CYFIP2: variants seen among roughly 807,000 people sequenced by gnomAD.
CYFIP2 encodes cytoplasmic FMR1-interacting protein 2.
In CYFIP2, 29 loss-of-function variants were observed where a neutral mutation model predicts 158.7. The observed-to-expected ratio is 0.18, with a 90% CI of 0.14 to 0.25. The LOEUF (loss-of-function observed/expected upper bound fraction) is 0.25, where lower values mean the gene tolerates loss of function less well. CYFIP2 is among the 10% of genes least tolerant of loss of function. CYFIP2 has a pLI of 1.00. For missense variants in CYFIP2, 852 were observed against 1,639.5 expected, an observed-to-expected ratio of 0.52 and a Z score of 8.29; for synonymous variants, 585 against 617.6, an observed-to-expected ratio of 0.95 and a Z score of 0.78.
chr5:157,270,441 C>T (rs551486829), intron 1 of CYFIP2, among the ~76,000 whole-genome samples: 1 of 152,218 alleles, frequency 6.6e-6, no homozygotes, highest in African/African-American at 2.4e-5. Flanking sequence ...TGTCTAACTT[C>T]ACTGAAGGCC....
At chr5:157,283,232 GGT>G in intron 1 of CYFIP2, among the ~76,000 whole-genome samples, 1 of 152,098 alleles carries the variant, frequency 6.6e-6, no homozygotes. Context: ...ACCTTTATAG[GGT>G]GGATGCAAGA....
At chr5:157,377,420 A>G (rs1385569650) in intron 26 of CYFIP2, among the ~76,000 whole-genome samples, 1 of 151,978 alleles carries the variant, frequency 6.6e-6, no homozygotes, top group Non-Finnish European at 1.5e-5. Flanking sequence ...CCCTGGTTCA[A>G]CTTAGCGTCC....
chr5:157,361,015 G>A lies in CYFIP2; in HGVS notation c.2909-453G>A, dbSNP rs1357855798. ...CTACTTACTACCTGTGTGACTATGG[G>A]CATGCCCCTTACCCTCTCTGAGCCT... is the stretch of plus-strand genomic sequence containing the variant. On this transcript the variant is annotated intron_variant, in intron 25 of 30. Coordinates refer to ENST00000620254, the MANE Select transcript of CYFIP2 (RefSeq NM_001037333.3). The surrounding 1 kb of genome is among the most constrained non-coding windows in gnomAD (Gnocchi z 4.4). Among the ~76,000 whole-genome samples the A allele has an allele frequency of 6.6e-6, 1 of 152,174 alleles. No homozygotes were observed. Among genetic ancestry groups the A allele is most frequent in the Non-Finnish European group, 1.5e-5 (1 of 68,024 alleles).
chr5:157,383,292 A>T lies in CYFIP2; in HGVS notation c.3140A>T (p.Lys1047Ile). ...KEGERLEVRM[K>I]RLEAKYAPLH... Reference sequence around the variant, plus strand: ...GGGGAGCGCCTGGAGGTCCGGATGAAACGTCTGGAAGCCAAGTATGCCCCG... The same window carrying T: ...GGGGAGCGCCTGGAGGTCCGGATGATACGTCTGGAAGCCAAGTATGCCCCG... The change falls in exon 28 of 31, where the codon AAA (lysine) becomes ATA (isoleucine). Residue 1047 changes from lysine (K) to isoleucine (I), a missense_variant. Around this residue, in one of 8 missense-constraint regions of CYFIP2, gnomAD observed 223 missense variants for 381.6 expected, o/e 0.58. Transcript: ENST00000620254. 1 of 1,613,850 alleles carries T rather than the reference A, an allele frequency of 6.2e-7. No individual in the cohort carries two copies.
In CYFIP2 at chr5:157,319,845, C is replaced by T. The variant is rs1581050916; in HGVS notation, c.1440C>T (p.Tyr480=). 6.2e-6 allele frequency: 10 copies of T among 1,614,098 alleles called. No individual in the cohort carries two copies. Among genetic ancestry groups the T allele is most frequent in the African/African-American group, 1.3e-5 (1 of 75,060 alleles). ...ACCAGGCCATCAGGAACACCATCTA[C>T]GCGGCATTGCAGGACTTCGCCCAGG... The part of the protein sequence containing the change: ...VFNQAIRNTI[Y]AALQDFAQVT... The change falls in exon 14 of 31, where the codon TAC becomes TAT. Residue 480 remains tyrosine, a synonymous_variant. Coordinates refer to ENST00000620254, the MANE Select transcript of CYFIP2 (RefSeq NM_001037333.3).
At chr5:157,322,009 C>T (rs1202081377) in intron 15 of CYFIP2, among the ~76,000 whole-genome samples, 2 of 152,116 alleles carry the variant, frequency 1.3e-5, no homozygotes, top group Non-Finnish European at 2.9e-5. Flanking sequence ...GGGGACTTAA[C>T]AGGCAGAGAG....
At chr5:157,324,616 C>T (rs568721826) in intron 16 of CYFIP2, among the ~76,000 whole-genome samples, 34 of 152,118 alleles carry the variant, frequency 2.2e-4, no homozygotes, top group Non-Finnish European at 4.0e-4. Flanking sequence ...GAGAGTAGCC[C>T]GGGAAGGGCC....
At chr5:157,283,877 A>G (rs1757176787) in intron 1 of CYFIP2, among the ~76,000 whole-genome samples, 1 of 152,024 alleles carries the variant, frequency 6.6e-6, no homozygotes, top group East Asian at 1.9e-4. Flanking sequence ...CTAATGTTAG[A>G]CACTGTATTT....
chr5:157,390,468 C>CA, intron 29 of CYFIP2, 53 bp from the exon 30 acceptor site: 1 of 1,351,586 alleles, frequency 7.4e-7, no homozygotes, highest in Admixed American at 2.1e-5. Context: ...CCCTCCCTCC[C>CA]TGCCCTCCTC....
At chr5:157,274,310 G>T (rs369212554) in intron 1 of CYFIP2, among the ~76,000 whole-genome samples, 1 of 151,924 alleles carries the variant, frequency 6.6e-6, no homozygotes, top group East Asian at 1.9e-4. Flanking sequence ...GCCTATTCTG[G>T]GCATGTTTAA....
At chr5:157,315,139 G>A (rs547186998) in intron 13 of CYFIP2, 45 bp downstream of exon 13, 159 of 1,608,376 alleles carry the variant, frequency 9.9e-5, no homozygotes, top group Non-Finnish European at 1.2e-4. Flanking sequence ...CAAGGCTGCA[G>A]CTCATGGTGG....
chr5:157,296,610 A>G (rs1481235575), intron 4 of CYFIP2, 63 bp from the exon 5 acceptor site: 24 of 1,504,114 alleles, frequency 1.6e-5, no homozygotes, highest in Non-Finnish European at 1.8e-5. Flanking sequence ...AAAACAAAAC[A>G]AAAAACAGTA....
chr5:157,352,832 G>C (rs1044455009), intron 23 of CYFIP2, among the ~76,000 whole-genome samples: 12 of 152,106 alleles, frequency 7.9e-5, no homozygotes, highest in Non-Finnish European at 1.8e-4. Flanking sequence ...GGGTTATGCT[G>C]GGTCCTACAT....
chr5:157,323,804 T>A (rs1458092500), intron 15 of CYFIP2, 117 bp from the exon 16 acceptor site: 1 of 1,244,592 alleles, frequency 8.0e-7, no homozygotes, highest in Non-Finnish European at 1.1e-6. Context: ...AGGACAGTGC[T>A]TTTTAAGAGC....
At chr5:157,326,861 G>A (rs889603312) in intron 18 of CYFIP2, among the ~76,000 whole-genome samples, 1 of 152,192 alleles carries the variant, frequency 6.6e-6, no homozygotes, top group African/African-American at 2.4e-5. Context: ...CAGCGCTGGG[G>A]TTTTGTGTTC....
intron 26 of CYFIP2, among the ~76,000 whole-genome samples, chr5:157,382,240 C>T (rs3822691): frequency 0.082 from 12,477 of 151,984 alleles, 574 homozygotes; most frequent in South Asian, 0.2. Flanking sequence ...GACTGAGGCC[C>T]ATCATATGTT....
chr5:157,288,878 A>G (rs370289497), intron 3 of CYFIP2, among the ~76,000 whole-genome samples: 1 of 152,178 alleles, frequency 6.6e-6, no homozygotes, highest in African/African-American at 2.4e-5. Flanking sequence ...TGTGTTTTTG[A>G]AGGAACCTTG....
At chr5:157,356,199 G>A (rs956620442) in intron 23 of CYFIP2, among the ~76,000 whole-genome samples, 2 of 152,010 alleles carry the variant, frequency 1.3e-5, no homozygotes, top group African/African-American at 4.8e-5. Flanking sequence ...GTTTGGTGAG[G>A]GCCCACTTCC....
chr5:157,347,656 A>AG (rs1471340126), intron 23 of CYFIP2, among the ~76,000 whole-genome samples: 1 of 152,232 alleles, frequency 6.6e-6, no homozygotes, highest in Non-Finnish European at 1.5e-5. Context: ...AAGGGGTCTG[A>AG]GGAGGAACAA....
Sources: gnomAD v4.1 joint callset for allele counts (sites outside exome capture counted in the v4.1 genomes callset) on GRCh38, gnomAD v4.1.1 for gene constraint, gnomAD v4.1.1 regional missense constraint, Gnocchi (gnomAD v3.1) non-coding constraint, MANE v1.5 for transcripts, NCBI Gene and HGNC (gene_info 2026-07-23, HGNC 2026-07-21) for gene names.